Variants in ANK3 observed in about 807,000 individuals in gnomAD.
ANK3 encodes the protein ankyrin 3.
A neutral mutation model predicts 370.9 loss-of-function variants in ANK3; 57 were observed. The observed-to-expected ratio is 0.15, with a 90% CI of 0.12 to 0.19. The LOEUF (loss-of-function observed/expected upper bound fraction) is 0.19, where lower values mean the gene tolerates loss of function less well. Among genes scored for constraint, ANK3 ranks in the 10% least tolerant of loss-of-function variants. ANK3 has a pLI of 1.00. For synonymous variants in ANK3, 1,929 were observed against 1,946.3 expected (o/e 0.99, Z 0.23); for missense variants, 4,439 against 5,302.1 (o/e 0.84, Z 5.06).
intron 10 of ANK3, among the ~76,000 whole-genome samples, chr10:60,206,143 T>C (rs2096758345): frequency 6.6e-6 from 1 of 152,126 alleles, no homozygotes; most frequent in Non-Finnish European, 1.5e-5. Context: ...AAAATGATCA[T>C]TCATTTCATT....
intron 8 of ANK3, among the ~76,000 whole-genome samples, chr10:60,228,902 G>T (rs10821704): frequency 0.38 from 57,533 of 151,934 alleles, 12,129 homozygotes; most frequent in East Asian, 0.5. Flanking sequence ...AACAGAACCA[G>T]GCATACGACA....
chr10:60,572,685 C>G, intron 2 of ANK3: 1 of 1,427,628 alleles, frequency 7.0e-7, no homozygotes. Flanking sequence ...CTGCTGCTGT[C>G]AGAGAGACGC....
chr10:60,242,059 T>G (rs1456083660), intron 7 of ANK3, among the ~76,000 whole-genome samples: 2 of 152,200 alleles, frequency 1.3e-5, no homozygotes. Context: ...TAATACCATT[T>G]CTAGCCCTTT....
intron 2 of ANK3, among the ~76,000 whole-genome samples, chr10:60,434,430 A>C (rs2132985766): frequency 6.6e-6 from 1 of 152,382 alleles, no homozygotes; most frequent in East Asian, 1.9e-4. Flanking sequence ...AAAGAAAATT[A>C]GTGATTTTAA....
chr10:60,605,497 C>A (rs918050740), intron 2 of ANK3, among the ~76,000 whole-genome samples: 1 of 152,054 alleles, frequency 6.6e-6, no homozygotes, highest in African/African-American at 2.4e-5. Context: ...CAGAAGGATT[C>A]ATAAGCATTT....
intron 2 of ANK3, among the ~76,000 whole-genome samples, chr10:60,593,045 T>C (rs1402276366): frequency 6.6e-6 from 1 of 152,244 alleles, no homozygotes; most frequent in Non-Finnish European, 1.5e-5. Context: ...TTAGAATTTC[T>C]GTTAGTCAAG....
chr10:60,182,079 CTTTT>C (rs200772662), intron 17 of ANK3, among the ~76,000 whole-genome samples: 2 of 143,988 alleles, frequency 1.4e-5, no homozygotes, highest in African/African-American at 2.5e-5. Context: ...AAAAATTAGA[CTTTT>C]TTTTTTTTTT....
intron 24 of ANK3, among the ~76,000 whole-genome samples, chr10:60,136,539 A>G (rs2094353613): frequency 6.6e-6 from 1 of 152,224 alleles, no homozygotes; most frequent in African/African-American, 2.4e-5. Flanking sequence ...AACACTTAAA[A>G]GTTTTAAAAA....
rs770527870 is a variant in ANK3, at chr10:60,518,313, A to G, written c.96+96873T>C. 6.6e-5 allele frequency among the ~76,000 whole-genome samples: 10 copies of G among 152,240 alleles called. No homozygotes were observed. In the South Asian group the frequency reaches 1.2e-3, roughly 19 times the overall value. On this transcript the variant is annotated intron_variant, in intron 2 of 43. Coordinates refer to the ANK3 transcript ENST00000373827. Reference sequence around the variant, plus strand: ...AAGCTCCTACTTCCCGGCAGATGAGATGCTCCCAGTGACACGTAGCAGGCC... The same window carrying G: ...AAGCTCCTACTTCCCGGCAGATGAGGTGCTCCCAGTGACACGTAGCAGGCC...
intron 2 of ANK3, among the ~76,000 whole-genome samples, chr10:60,521,374 A>G (rs965021903): frequency 9.9e-5 from 15 of 152,268 alleles, no homozygotes; most frequent in African/African-American, 3.6e-4. Context: ...TGTCTATAGC[A>G]AAGAAGTACT....
chr10:60,178,031 A>G (rs2096028339), intron 18 of ANK3, among the ~76,000 whole-genome samples: 1 of 152,104 alleles, frequency 6.6e-6, no homozygotes, highest in Non-Finnish European at 1.5e-5. Context: ...TATTCTTCGC[A>G]TTGCTTCCCA....
At chr10:60,459,880 T>G (rs2133055388) in intron 2 of ANK3, among the ~76,000 whole-genome samples, 1 of 152,260 alleles carries the variant, frequency 6.6e-6, no homozygotes, top group South Asian at 2.1e-4. Context: ...GCCATCTGTC[T>G]CCAATCGGTC....
intron 1 of ANK3, among the ~76,000 whole-genome samples, chr10:60,343,119 CTATCCCTT>C (rs1249438553): frequency 6.6e-6 from 1 of 152,178 alleles, no homozygotes; most frequent in Non-Finnish European, 1.5e-5. Context: ...AAGATCAGTC[CTATCCCTT>C]TATTCTGCAA....
intron 1 of ANK3, among the ~76,000 whole-genome samples, chr10:60,347,207 A>G (rs1012535100): frequency 1.3e-5 from 2 of 151,826 alleles, no homozygotes; most frequent in Admixed American, 1.3e-4. Flanking sequence ...TTCCATGATT[A>G]TAAACTGTAC....
At chr10:60,581,285 G>C (rs116245701) in intron 2 of ANK3, among the ~76,000 whole-genome samples, 1 of 152,022 alleles carries the variant, frequency 6.6e-6, no homozygotes, top group Non-Finnish European at 1.5e-5. Flanking sequence ...GCCATTTCTC[G>C]CACACCACCA....
intron 2 of ANK3, among the ~76,000 whole-genome samples, chr10:60,483,254 G>T (rs1030756079): frequency 5.3e-5 from 8 of 152,166 alleles, no homozygotes. Flanking sequence ...CTGGAGGACA[G>T]AAGCATGAAA....
intron 42 of ANK3, among the ~76,000 whole-genome samples, chr10:60,049,268 C>T (rs928464811): frequency 4.6e-4 from 70 of 152,240 alleles, no homozygotes; most frequent in African/African-American, 1.6e-3. Flanking sequence ...TGACTTCACT[C>T]AATCTCTCTA....
chr10:60,539,147 C>T (rs1303335337), intron 2 of ANK3, among the ~76,000 whole-genome samples: 1 of 151,814 alleles, frequency 6.6e-6, no homozygotes. Flanking sequence ...AAAAATGAAA[C>T]TACCATTAAT....
At chr10:60,541,537 G>A (rs2076849026) in intron 2 of ANK3, among the ~76,000 whole-genome samples, 1 of 151,848 alleles carries the variant, frequency 6.6e-6, no homozygotes, top group Non-Finnish European at 1.5e-5. Flanking sequence ...CTTGTTCATA[G>A]AAGCCAACAG....
Sources: allele counts gnomAD v4.1 joint callset (sites outside exome capture counted in the v4.1 genomes callset), GRCh38; gene constraint gnomAD v4.1.1; transcripts MANE v1.5; gene names NCBI Gene and HGNC (gene_info 2026-07-23, HGNC 2026-07-21).